The following SEMA5A variants were observed in gnomAD, a reference collection of about 807,000 sequenced individuals.
SEMA5A encodes semaphorin 5A.
A neutral mutation model predicts 135.5 loss-of-function variants in SEMA5A; 55 were observed. That is an observed-to-expected ratio of 0.41 (90% CI 0.33 to 0.51). The LOEUF (loss-of-function observed/expected upper bound fraction) is 0.51. Among genes scored for constraint, SEMA5A ranks in the 20% least tolerant of loss-of-function variants. SEMA5A has a pLI of 0.37. For synonymous variants in SEMA5A, 580 were observed against 546.5 expected (o/e 1.06, Z -0.85); for missense variants, 1,290 against 1,419.9 (o/e 0.91, Z 1.47).
At chr5:9,306,465 GT>G (rs1751876821) in intron 5 of SEMA5A, among the ~76,000 whole-genome samples, 1 of 144,552 alleles carries the variant, frequency 6.9e-6, no homozygotes, top group African/African-American at 2.5e-5. Flanking sequence ...GATATTATTT[GT>G]TTTTAAAAAA....
chr5:9,544,972 A>G (rs1738301461), intron 1 of SEMA5A, among the ~76,000 whole-genome samples: 2 of 152,314 alleles, frequency 1.3e-5, no homozygotes, highest in African/African-American at 4.8e-5. Flanking sequence ...ATGCCTGGTG[A>G]AAGGGGCTCG....
intron 12 of SEMA5A, among the ~76,000 whole-genome samples, chr5:9,137,033 A>G (rs966946245): frequency 6.6e-6 from 1 of 152,196 alleles, no homozygotes; most frequent in African/African-American, 2.4e-5. Flanking sequence ...CATATTAACT[A>G]TAATACAAAC....
intron 5 of SEMA5A, among the ~76,000 whole-genome samples, chr5:9,268,473 CT>C (rs1232425094): frequency 1.3e-5 from 2 of 152,040 alleles, no homozygotes; most frequent in Non-Finnish European, 2.9e-5. Context: ...GTAAAGCTTA[CT>C]TTTTATCCTT....
At chr5:9,451,073 C>T (rs548678422) in intron 1 of SEMA5A, among the ~76,000 whole-genome samples, 85 of 152,272 alleles carry the variant, frequency 5.6e-4, no homozygotes, top group Middle Eastern at 3.4e-3. Flanking sequence ...AAGACCTGTC[C>T]TTGTTTGTGA....
In SEMA5A at chr5:9,503,585, CTGTG is replaced by C. The variant is rs1265718008; in HGVS notation, c.-175+41995_-175+41998del. On this transcript the variant is annotated intron_variant, in intron 1 of 22. Transcript: ENST00000382496. ...GTTTCAACTTCACATGGAATCATCT[CTGTG>C]TATTTTATGTAGCATCCTAAAGTTG... 5.3e-5 allele frequency among the ~76,000 whole-genome samples: 8 copies of C among 152,312 alleles called. 1 individual carries two copies. Among genetic ancestry groups the C allele is most frequent in the Admixed American group, 4.6e-4 (7 of 15,298 alleles).
chr5:9,175,784 T>C (rs932858191), intron 11 of SEMA5A, among the ~76,000 whole-genome samples: 1 of 152,236 alleles, frequency 6.6e-6, no homozygotes, highest in Admixed American at 6.5e-5. Context: ...GCCTCGTAAT[T>C]GGAGTCCTAG....
In SEMA5A at chr5:9,545,046, T is replaced by C. The variant is rs1738306391; in HGVS notation, c.-175+538A>G. Among the ~76,000 whole-genome samples, 1 of 152,098 alleles carries C rather than the reference T, an allele frequency of 6.6e-6. No homozygotes were observed. Among genetic ancestry groups the C allele is most frequent in the South Asian group, 2.1e-4 (1 of 4,830 alleles). On this transcript the variant is annotated intron_variant, in intron 1 of 22. Coordinates refer to ENST00000382496, the MANE Select transcript of SEMA5A (RefSeq NM_003966.3). The surrounding 1 kb of genome is among the most constrained non-coding windows in gnomAD (Gnocchi z 4.5). ...TCTGCATCCCCCGCCTTAGTGTCTT[T>C]CATTAACCAAGGCGCTTGGCGGAGT...
chr5:9,362,250 A>C (rs1754730905), intron 3 of SEMA5A, among the ~76,000 whole-genome samples: 1 of 152,096 alleles, frequency 6.6e-6, no homozygotes, highest in East Asian at 1.9e-4. Flanking sequence ...CAGCCCCCAG[A>C]GGCATTTCAA....
At chr5:9,190,124 A>G in intron 11 of SEMA5A, 143 bp downstream of exon 11, 1 of 732,024 alleles carries the variant, frequency 1.4e-6, no homozygotes, top group Non-Finnish European at 2.3e-6. Context: ...GAGGAAGATA[A>G]GTGAGCATCG....
intron 2 of SEMA5A, among the ~76,000 whole-genome samples, chr5:9,435,547 C>G (rs903170436): frequency 6.6e-6 from 1 of 152,172 alleles, no homozygotes; most frequent in African/African-American, 2.4e-5. Context: ...TAATTAAAAT[C>G]CAAGCATCCA....
At position 9,318,403 on chromosome 5, in the gene SEMA5A, C is replaced by T. The variant is rs1752483257; in HGVS notation, c.239G>A (p.Arg80Lys). 6.2e-7 allele frequency: 1 copy of T among 1,612,466 alleles called. No homozygotes were observed. The highest frequency in any genetic ancestry group is 1.3e-5 in the African/African-American group (1 of 74,976). ...AAGAGACAGATCCTCAAGCTGTAAC[C>T]TGAAGAGGTAGTTTCTGCAAAATAC... ...LVVGARNYLF[R>K]LQLEDLSLIQ... Residue 80 changes from arginine (R) to lysine (K), a missense_variant, in exon 5 of 23, where the codon AGG becomes AAG. Arg to Lys is a conservative substitution (Grantham distance 26). Transcript: ENST00000382496.
At chr5:9,132,196 G>A (rs1741475464) in intron 13 of SEMA5A, among the ~76,000 whole-genome samples, 1 of 152,116 alleles carries the variant, frequency 6.6e-6, no homozygotes, top group Non-Finnish European at 1.5e-5. Flanking sequence ...TAGAAAATAA[G>A]TCTTCTTTAA....
At position 9,043,030 on chromosome 5, in the gene SEMA5A, T is replaced by TA. The variant is rs3834271; in HGVS notation, c.3106-15dup. 1,185,790 of 1,409,414 alleles carry TA rather than the reference T, an allele frequency of 0.84. 491,105 individuals are homozygous for TA. The highest frequency in any genetic ancestry group is 0.94 in the African/African-American group (64,407 of 68,428). 87.3% of individuals were successfully genotyped at this position (1,409,414 alleles called of 1,614,324 possible). On this transcript the variant is annotated splice_polypyrimidine_tract_variant and intron_variant, in intron 22 of 22. Coordinates refer to ENST00000382496, the MANE Select transcript of SEMA5A (RefSeq NM_003966.3). ...TTTGTTAAATGCCTGGAAAATATATTAAAAAAAAACAGGTTTAAGAATGCT... is the reference window on the plus strand; with the variant it reads ...TTTGTTAAATGCCTGGAAAATATATTAAAAAAAAAACAGGTTTAAGAATGCT...
chr5:9,316,174 C>A (rs528314833), intron 5 of SEMA5A, among the ~76,000 whole-genome samples: 3 of 152,144 alleles, frequency 2.0e-5, no homozygotes, highest in Non-Finnish European at 2.9e-5. Flanking sequence ...CAGATTTCTT[C>A]AGCGAGCCCA....
intron 3 of SEMA5A, among the ~76,000 whole-genome samples, chr5:9,345,611 C>A (rs1440853848): frequency 6.6e-6 from 1 of 151,406 alleles, no homozygotes; most frequent in African/African-American, 2.4e-5. Flanking sequence ...TTTTAAATGA[C>A]CAAAATTATA....
At position 9,041,824 on chromosome 5, in the gene SEMA5A, T is replaced by A. The variant is rs1735983146; in HGVS notation, c.*1073A>T. ...CAGCTTTACATGGTATTAATGCTCG[T>A]GGTAGGGGCTGATTGCCACACATTG... On this transcript the variant is annotated 3_prime_UTR_variant, in exon 23 of 23. Transcript: ENST00000382496. 6.6e-6 allele frequency: 1 copy of A among 152,656 alleles called. No individual in the cohort carries two copies. Among genetic ancestry groups the A allele is most frequent in the Non-Finnish European group, 1.5e-5 (1 of 68,050 alleles). The allele number at this position is 152,656 out of a possible 1,614,324, so 9.5% of individuals were successfully genotyped here. A position where few individuals can be genotyped will look rare whatever the true frequency, so the allele number is the denominator to read the frequency against.
chr5:9,266,937 A>T (rs1749709589), intron 5 of SEMA5A, among the ~76,000 whole-genome samples: 1 of 152,194 alleles, frequency 6.6e-6, no homozygotes, highest in African/African-American at 2.4e-5. Context: ...AATGAAGGAG[A>T]GAGATTTTAA....
intron 1 of SEMA5A, among the ~76,000 whole-genome samples, chr5:9,509,329 C>T (rs1736078585): frequency 6.6e-6 from 1 of 152,054 alleles, no homozygotes; most frequent in African/African-American, 2.4e-5. Flanking sequence ...GGCTGGAGTG[C>T]AATGGCATGA....
chr5:9,380,179 C>T, intron 2 of SEMA5A, 156 bp from the exon 3 acceptor site: 3 of 520,492 alleles, frequency 5.8e-6, no homozygotes, highest in South Asian at 5.4e-5. Context: ...TAGTCATATC[C>T]CAGGTCGTGT....
Sources: allele counts gnomAD v4.1 joint callset (sites outside exome capture counted in the v4.1 genomes callset), GRCh38; gene constraint gnomAD v4.1.1; non-coding constraint Gnocchi (gnomAD v3.1); transcripts MANE v1.5; gene names NCBI Gene and HGNC (gene_info 2026-07-23, HGNC 2026-07-21).